ERBB4: variants seen among roughly 807,000 people sequenced by gnomAD.
The protein encoded by ERBB4 is erb-b2 receptor tyrosine kinase 4, also known as receptor tyrosine-protein kinase erbB-4.
In ERBB4, 42 loss-of-function variants were observed where a neutral mutation model predicts 158.0. The ratio of observed to expected loss-of-function variants is 0.27; its 90% CI spans 0.21 to 0.34. ERBB4 has a LOEUF of 0.34. ERBB4 is among the 10% of genes least tolerant of loss of function. ERBB4 has a pLI of 1.00. For missense variants in ERBB4, 1,333 were observed against 1,624.1 expected, an observed-to-expected ratio of 0.82 and a Z score of 3.08; for synonymous variants, 583 against 558.7, an observed-to-expected ratio of 1.04 and a Z score of -0.61.
At chr2:211,793,796 G>T (rs570337759) in intron 3 of ERBB4, among the ~76,000 whole-genome samples, 4 of 152,008 alleles carry the variant, frequency 2.6e-5, no homozygotes, top group African/African-American at 7.2e-5. Context: ...CAGCCCTCAA[G>T]GTTCATTATT....
At chr2:212,451,780 A>G (rs2092449002) in intron 1 of ERBB4, among the ~76,000 whole-genome samples, 1 of 152,200 alleles carries the variant, frequency 6.6e-6, no homozygotes, top group Non-Finnish European at 1.5e-5. Context: ...AACATCAACC[A>G]TGTAGTAAAA....
chr2:211,617,459 G>C (rs1256030042), intron 19 of ERBB4, among the ~76,000 whole-genome samples: 1 of 152,058 alleles, frequency 6.6e-6, no homozygotes, highest in Non-Finnish European at 1.5e-5. Flanking sequence ...GCAGTGGCGT[G>C]TCAGAAACTT....
chr2:211,383,027 A>C lies in ERBB4; in HGVS notation c.*588T>G, dbSNP rs530659148. The C allele has an allele frequency of 4.3e-6, 1 of 232,748 alleles. No homozygotes were observed. The highest frequency in any genetic ancestry group is 1.8e-4 in the South Asian group (1 of 5,524). 14.4% of individuals were successfully genotyped at this position (232,748 alleles called of 1,614,324 possible). ...TTATAACTTTAATGGAGATTTTTAAATTATGAAAGTTGAGTTGGCCATTCT... is the reference window on the plus strand; with the variant it reads ...TTATAACTTTAATGGAGATTTTTAACTTATGAAAGTTGAGTTGGCCATTCT... On this transcript the variant is annotated 3_prime_UTR_variant, in exon 28 of 28. Coordinates refer to ENST00000342788, the MANE Select transcript of ERBB4 (RefSeq NM_005235.3).
chr2:211,913,661 GTGTGTA>G (rs1357639402), intron 3 of ERBB4, among the ~76,000 whole-genome samples: 1 of 148,072 alleles, frequency 6.8e-6, no homozygotes, highest in Non-Finnish European at 1.5e-5. Context: ...GTGTGTGTAT[GTGTGTA>G]TGTGTGTGTG....
chr2:211,833,197 T>C (rs2077263545), intron 3 of ERBB4, among the ~76,000 whole-genome samples: 2 of 152,088 alleles, frequency 1.3e-5, no homozygotes, highest in African/African-American at 2.4e-5. Context: ...CAGTGAAGTA[T>C]CATATGGTTT....
intron 3 of ERBB4, among the ~76,000 whole-genome samples, chr2:211,943,010 A>G (rs2080548511): frequency 6.6e-6 from 1 of 152,240 alleles, no homozygotes; most frequent in Admixed American, 6.5e-5. Context: ...TTATCTCTCC[A>G]TTTAAGATAT....
intron 3 of ERBB4, among the ~76,000 whole-genome samples, chr2:211,816,325 G>A (rs1193067215): frequency 6.6e-6 from 1 of 151,962 alleles, no homozygotes; most frequent in Non-Finnish European, 1.5e-5. Context: ...CAGATCACTT[G>A]AGGTCAGGAG....
chr2:212,318,093 A>G (rs974224468), intron 1 of ERBB4, among the ~76,000 whole-genome samples: 1 of 151,536 alleles, frequency 6.6e-6, no homozygotes, highest in African/African-American at 2.4e-5. Flanking sequence ...AAGTAGGTAA[A>G]TTTATTATCC....
chr2:211,741,709 A>C (rs910702340), intron 5 of ERBB4, among the ~76,000 whole-genome samples: 1 of 152,144 alleles, frequency 6.6e-6, no homozygotes, highest in Non-Finnish European at 1.5e-5. Context: ...ATGCCCCTGA[A>C]GCCCTTGGCT....
At chr2:211,512,643 A>G (rs1273340412) in intron 20 of ERBB4, among the ~76,000 whole-genome samples, 1 of 152,136 alleles carries the variant, frequency 6.6e-6, no homozygotes, top group Non-Finnish European at 1.5e-5. Context: ...ATAGTAGGCA[A>G]AACACGTTTG....
chr2:211,982,636 T>G (rs552405307), intron 2 of ERBB4, among the ~76,000 whole-genome samples: 1 of 152,248 alleles, frequency 6.6e-6, no homozygotes, highest in South Asian at 2.1e-4. Context: ...TTCAATAGAA[T>G]GCAGTGTGTT....
intron 1 of ERBB4, among the ~76,000 whole-genome samples, chr2:212,465,269 C>G (rs2106090500): frequency 6.6e-6 from 1 of 152,160 alleles, no homozygotes; most frequent in Middle Eastern, 3.4e-3. Context: ...AGACCAAGAC[C>G]AATGGCATAA....
chr2:211,616,824 A>G (rs2125842920), intron 19 of ERBB4, among the ~76,000 whole-genome samples: 1 of 152,294 alleles, frequency 6.6e-6, no homozygotes, highest in South Asian at 2.1e-4. Flanking sequence ...ATCTATCCAC[A>G]AGAGAAAAGG....
rs535643784 is a variant in ERBB4, at chr2:211,947,666, T to C, written c.235-50A>G. On this transcript the variant is annotated intron_variant, in intron 2 of 27. Transcript: ENST00000342788. ...GTGTTATAAAACGAATTTGTCACTC[T>C]GTATATGTAGCAATTTAGATTAAAA... 4.0e-6 allele frequency: 6 copies of C among 1,490,406 alleles called. No homozygotes were observed. The South Asian group carries it at 7.0e-5, about 17-fold the overall frequency. The allele number at this position is 1,490,406 out of a possible 1,614,324, so 92.3% of individuals were successfully genotyped here. A position where few individuals can be genotyped will look rare whatever the true frequency, so the allele number is the denominator to read the frequency against.
At chr2:211,963,545 C>T (rs1027405465) in intron 2 of ERBB4, among the ~76,000 whole-genome samples, 4 of 151,966 alleles carry the variant, frequency 2.6e-5, no homozygotes, top group Admixed American at 6.6e-5. Context: ...TATTATTGCA[C>T]ATATTACTGG....
At chr2:212,312,609 A>G (rs2087099873) in intron 1 of ERBB4, among the ~76,000 whole-genome samples, 1 of 151,006 alleles carries the variant, frequency 6.6e-6, no homozygotes, top group Admixed American at 6.6e-5. Context: ...CAAGCAATAT[A>G]TATAGTTCTG....
At chr2:211,730,756 A>G (rs1242727486) in intron 5 of ERBB4, among the ~76,000 whole-genome samples, 1 of 152,082 alleles carries the variant, frequency 6.6e-6, no homozygotes, top group Non-Finnish European at 1.5e-5. Flanking sequence ...AATACCTGAG[A>G]ATCACCTAGT....
At chr2:212,012,893 T>C (rs1345356638) in intron 2 of ERBB4, among the ~76,000 whole-genome samples, 1 of 151,886 alleles carries the variant, frequency 6.6e-6, no homozygotes, top group Non-Finnish European at 1.5e-5. Flanking sequence ...CACAGATGCA[T>C]GTCACCACAC....
intron 2 of ERBB4, among the ~76,000 whole-genome samples, chr2:212,021,003 TAGAC>T (rs1382419868): frequency 6.6e-6 from 1 of 152,178 alleles, no homozygotes; most frequent in Non-Finnish European, 1.5e-5. Flanking sequence ...TTACATAGAA[TAGAC>T]AGATCCATAT....
Sources: gnomAD v4.1 joint callset for allele counts (sites outside exome capture counted in the v4.1 genomes callset) on GRCh38, gnomAD v4.1.1 for gene constraint, MANE v1.5 for transcripts, NCBI Gene and HGNC (gene_info 2026-07-23, HGNC 2026-07-21) for gene names.